The following MTPAP variants were observed in gnomAD, a reference collection of about 807,000 sequenced individuals.
MTPAP encodes the protein mitochondrial poly(A) polymerase, also known as poly(A) RNA polymerase, mitochondrial.
A neutral mutation model predicts 48.7 loss-of-function variants in MTPAP; 23 were observed. The ratio of observed to expected loss-of-function variants is 0.47; its 90% CI spans 0.34 to 0.67. The LOEUF is 0.67. MTPAP is among the 30% of genes least tolerant of loss of function. MTPAP has a pLI of 0.01. For synonymous variants in MTPAP, 257 were observed against 254.1 expected (o/e 1.01, Z -0.11); for missense variants, 614 against 694.3 (o/e 0.88, Z 1.30).
At chr10:30,329,099 T>G (rs1205521796) in intron 4 of MTPAP, among the ~76,000 whole-genome samples, 1 of 151,314 alleles carries the variant, frequency 6.6e-6, no homozygotes, top group Non-Finnish European at 1.5e-5. Context: ...CAAAAAAAAA[T>G]CAGCCAGGTA....
chr10:30,341,730 A>C, intron 1 of MTPAP, 90 bp from the exon 2 acceptor site: 1 of 1,297,220 alleles, frequency 7.7e-7, no homozygotes, highest in Non-Finnish European at 1.1e-6. Context: ...TTCATATATG[A>C]CTAAAACCAA....
At chr10:30,318,492 T>C (rs1840686448) in intron 6 of MTPAP, among the ~76,000 whole-genome samples, 1 of 152,214 alleles carries the variant, frequency 6.6e-6, no homozygotes, top group Non-Finnish European at 1.5e-5. Context: ...TCACATATAT[T>C]GATGCTCTTT....
At chr10:30,325,319 G>C (rs141834993) in intron 5 of MTPAP, among the ~76,000 whole-genome samples, 2,762 of 152,280 alleles carry the variant, frequency 0.018, 29 homozygotes, top group Non-Finnish European at 0.025. Context: ...GTGAAGATTC[G>C]AGTTTAATCA....
At position 30,316,176 on chromosome 10, in the gene MTPAP, G is replaced by A. The variant is rs766822457; in HGVS notation, c.1254C>T (p.Asn418=). 4.2e-5 allele frequency: 68 copies of A among 1,613,564 alleles called. 1 individual carries two copies. The East Asian group carries it at 1.5e-3, about 35-fold the overall frequency. ...TACTCAAGTCACGAACAAATGTGCA[G>A]TTGTTGCCTTCTATTACACATTTAT... ...AEDKCVIEGN[N]CTFVRDLSRI... Residue 418 remains asparagine (N), a synonymous_variant, in exon 7 of 9, where the codon AAC becomes AAT. Coordinates refer to ENST00000263063, the MANE Select transcript of MTPAP (RefSeq NM_018109.4).
chr10:30,330,586 T>C (rs1011137982), intron 4 of MTPAP, among the ~76,000 whole-genome samples: 1 of 152,198 alleles, frequency 6.6e-6, no homozygotes, highest in Non-Finnish European at 1.5e-5. Flanking sequence ...ATAGCTCTGA[T>C]TAATGGAACT....
chr10:30,339,144 A>G (rs1001631077), intron 3 of MTPAP, among the ~76,000 whole-genome samples: 2 of 151,678 alleles, frequency 1.3e-5, no homozygotes, highest in African/African-American at 4.8e-5. Flanking sequence ...AAAAACAAAC[A>G]AACAAAAAAA....
chr10:30,313,422 G>T lies in MTPAP; in HGVS notation c.*187C>A. ...TGATGTTTTAATAAAGTGCCACTGA[G>T]TATCAGACTGATCAAACTGAAAACA... On this transcript the variant is annotated 3_prime_UTR_variant, in exon 9 of 9. Coordinates refer to ENST00000263063, the MANE Select transcript of MTPAP (RefSeq NM_018109.4). 1.3e-6 allele frequency: 1 copy of T among 754,146 alleles called. No individual in the cohort carries two copies. The highest frequency in any genetic ancestry group is 2.2e-6 in the Non-Finnish European group (1 of 456,440). 46.7% of individuals were successfully genotyped at this position (754,146 alleles called of 1,614,324 possible).
intron 4 of MTPAP, among the ~76,000 whole-genome samples, chr10:30,336,037 G>A (rs1834727295): frequency 6.6e-6 from 1 of 151,876 alleles, no homozygotes; most frequent in South Asian, 2.1e-4. Flanking sequence ...AAAAGAAAGT[G>A]AAAAGCAAAA....
intron 1 of MTPAP, among the ~76,000 whole-genome samples, chr10:30,347,437 C>T (rs2262132): frequency 0.85 from 129,768 of 152,246 alleles, 55,410 homozygotes; most frequent in East Asian, 0.89. Flanking sequence ...AACTGTCCTT[C>T]TTTAAAATGG....
At chr10:30,315,090 G>T (rs934310861) in intron 8 of MTPAP, among the ~76,000 whole-genome samples, 5 of 152,006 alleles carry the variant, frequency 3.3e-5, no homozygotes, top group Non-Finnish European at 7.4e-5. Context: ...TTTCATGCTT[G>T]GCATCTCTGA....
chr10:30,340,805 G>A (rs189220639), intron 2 of MTPAP, among the ~76,000 whole-genome samples: 2 of 152,176 alleles, frequency 1.3e-5, no homozygotes, highest in African/African-American at 4.8e-5. Flanking sequence ...TGTAAGTCCA[G>A]CTACTTGGAA....
intron 4 of MTPAP, among the ~76,000 whole-genome samples, chr10:30,335,023 ATAGAAC>A (rs1364370955): frequency 6.6e-5 from 10 of 152,262 alleles, no homozygotes; most frequent in Non-Finnish European, 1.3e-4. Context: ...TGTGAAACAT[ATAGAAC>A]TTTTGTAAGA....
At chr10:30,347,126 A>C (rs1408724079) in intron 1 of MTPAP, among the ~76,000 whole-genome samples, 1 of 152,212 alleles carries the variant, frequency 6.6e-6, no homozygotes, top group Non-Finnish European at 1.5e-5. Flanking sequence ...AGAATCCCGA[A>C]TAATACACCA....
chr10:30,335,614 G>A (rs1168331704), intron 4 of MTPAP, among the ~76,000 whole-genome samples: 1 of 152,142 alleles, frequency 6.6e-6, no homozygotes, highest in African/African-American at 2.4e-5. Context: ...TCGTGTTAAA[G>A]AGAACATAAA....
chr10:30,324,433 A>C (rs1383201782), intron 5 of MTPAP, among the ~76,000 whole-genome samples: 4 of 152,128 alleles, frequency 2.6e-5, no homozygotes, highest in African/African-American at 9.7e-5. Context: ...ATGCACCTGT[A>C]ATCCTAGCTA....
At chr10:30,338,118 G>A (rs1229905351) in intron 3 of MTPAP, among the ~76,000 whole-genome samples, 1 of 151,418 alleles carries the variant, frequency 6.6e-6, no homozygotes, top group African/African-American at 2.4e-5. Context: ...ACAAAAACTA[G>A]CTGGGCATGG....
intron 6 of MTPAP, among the ~76,000 whole-genome samples, chr10:30,319,451 T>C (rs1210342016): frequency 6.6e-6 from 1 of 152,214 alleles, no homozygotes; most frequent in Admixed American, 6.5e-5. Context: ...ATGAAATGAT[T>C]GTACACAAGA....
intron 1 of MTPAP, among the ~76,000 whole-genome samples, chr10:30,342,884 C>G (rs1355300083): frequency 6.6e-6 from 1 of 152,088 alleles, no homozygotes; most frequent in Non-Finnish European, 1.5e-5. Context: ...AGGAGTTTTA[C>G]AATCACAGGG....
chr10:30,327,365 G>A (rs1834610086), intron 4 of MTPAP, among the ~76,000 whole-genome samples: 1 of 148,132 alleles, frequency 6.8e-6, no homozygotes. Flanking sequence ...CAAGTGTGGT[G>A]GCGGATGCCT....
Sources: gnomAD v4.1 joint callset for allele counts (sites outside exome capture counted in the v4.1 genomes callset) on GRCh38, gnomAD v4.1.1 for gene constraint, MANE v1.5 for transcripts, NCBI Gene and HGNC (gene_info 2026-07-23, HGNC 2026-07-21) for gene names.